Variants in DAB1 observed in about 807,000 individuals in gnomAD.
DAB1 encodes the protein disabled homolog 1.
In DAB1, 15 loss-of-function variants were observed where a neutral mutation model predicts 64.6. That is an observed-to-expected ratio of 0.23 (90% CI 0.16 to 0.36). The LOEUF (loss-of-function observed/expected upper bound fraction) is 0.36, where lower values mean the gene tolerates loss of function less well. DAB1 is among the 10% of genes least tolerant of loss of function. The pLI is 1.00. For missense variants in DAB1, 596 were observed against 706.7 expected, an observed-to-expected ratio of 0.84 and a Z score of 1.78; for synonymous variants, 235 against 251.9, an observed-to-expected ratio of 0.93 and a Z score of 0.64.
At chr1:58,411,598 A>C (rs1644669514) in intron 3 of DAB1, among the ~76,000 whole-genome samples, 1 of 152,206 alleles carries the variant, frequency 6.6e-6, no homozygotes, top group South Asian at 2.1e-4. Flanking sequence ...GAGAAAGAGA[A>C]CTACTTTAGT....
chr1:57,140,541 T>C (rs981725136), intron 3 of DAB1, among the ~76,000 whole-genome samples: 10 of 152,144 alleles, frequency 6.6e-5, no homozygotes, highest in Non-Finnish European at 1.2e-4. Flanking sequence ...GCTACAAATA[T>C]GTCCAAAAGT....
At chr1:58,035,935 T>C (rs1647038450) in intron 5 of DAB1, among the ~76,000 whole-genome samples, 2 of 152,302 alleles carry the variant, frequency 1.3e-5, no homozygotes, top group South Asian at 2.1e-4. Flanking sequence ...TGACTTCAAA[T>C]TGTGTCTCAT....
At chr1:57,542,436 GA>G (rs1644813172) in intron 7 of DAB1, among the ~76,000 whole-genome samples, 1 of 150,284 alleles carries the variant, frequency 6.7e-6, no homozygotes, top group Non-Finnish European at 1.5e-5. Context: ...TTAAGGGAAG[GA>G]AGCGAGCATG....
intron 3 of DAB1, among the ~76,000 whole-genome samples, chr1:58,490,825 T>TC (rs71043290): frequency 8.4e-6 from 1 of 118,832 alleles, no homozygotes; most frequent in African/African-American, 3.7e-5. Flanking sequence ...TTTTTTTTTT[T>TC]GAGACGGACT....
intron 7 of DAB1, among the ~76,000 whole-genome samples, chr1:57,551,840 C>A (rs1644917598): frequency 6.6e-6 from 1 of 152,126 alleles, no homozygotes; most frequent in Non-Finnish European, 1.5e-5. Flanking sequence ...CAAGAAACTT[C>A]TTTCCCCAAG....
At chr1:58,352,345 C>T (rs1644066305) in intron 3 of DAB1, among the ~76,000 whole-genome samples, 1 of 152,078 alleles carries the variant, frequency 6.6e-6, no homozygotes, top group South Asian at 2.1e-4. Flanking sequence ...GCAACTCAAC[C>T]TTCCTATTAG....
intron 7 of DAB1, among the ~76,000 whole-genome samples, chr1:57,514,452 A>T (rs553483938): frequency 1.3e-4 from 20 of 152,156 alleles, no homozygotes; most frequent in African/African-American, 4.8e-4. Context: ...TGCTTTTGAT[A>T]TTGTTTTTGT....
intron 6 of DAB1, among the ~76,000 whole-genome samples, chr1:57,805,032 T>G (rs1426654228): frequency 1.3e-5 from 2 of 152,160 alleles, no homozygotes; most frequent in African/African-American, 4.8e-5. Flanking sequence ...CTGTCAATAA[T>G]CTTTGTCAGG....
At chr1:57,562,783 C>T (rs542280539) in intron 7 of DAB1, among the ~76,000 whole-genome samples, 25 of 152,222 alleles carry the variant, frequency 1.6e-4, no homozygotes, top group African/African-American at 5.8e-4. Flanking sequence ...CACCAGGAGA[C>T]ACGACAACGA....
intron 2 of DAB1, among the ~76,000 whole-genome samples, chr1:57,279,086 C>A (rs1350425268): frequency 2.6e-5 from 4 of 152,134 alleles, no homozygotes; most frequent in Admixed American, 6.6e-5. Flanking sequence ...GGGGAATTTG[C>A]GAAATTTCCT....
At chr1:57,481,116 T>C (rs897170086) in intron 7 of DAB1, among the ~76,000 whole-genome samples, 2 of 152,132 alleles carry the variant, frequency 1.3e-5, no homozygotes, top group African/African-American at 4.8e-5. Context: ...TTGCTGCATA[T>C]TGGAATCATT....
intron 4 of DAB1, among the ~76,000 whole-genome samples, chr1:58,310,417 G>A (rs1012712211): frequency 1.3e-5 from 2 of 152,174 alleles, no homozygotes; most frequent in Non-Finnish European, 2.9e-5. Context: ...AACATTATAG[G>A]AGAGTATAAT....
intron 7 of DAB1, among the ~76,000 whole-genome samples, chr1:57,491,285 A>G (rs1224851860): frequency 5.3e-5 from 8 of 152,062 alleles, no homozygotes; most frequent in Admixed American, 2.0e-4. Context: ...AAAATTAGCC[A>G]GGCGTGGTGG....
chr1:57,023,723 G>A (rs1646695912), intron 10 of DAB1, 84 bp from the exon 11 acceptor site: 1 of 860,886 alleles, frequency 1.2e-6, no homozygotes, highest in Non-Finnish European at 1.9e-6. Flanking sequence ...CAGGAATTAA[G>A]GCGCAGGGGA....
chr1:58,128,639 C>T (rs1653306448), intron 5 of DAB1, among the ~76,000 whole-genome samples: 2 of 123,464 alleles, frequency 1.6e-5, no homozygotes, highest in African/African-American at 6.3e-5. Flanking sequence ...CCATCAATAC[C>T]TAATTTATTG....
intron 5 of DAB1, among the ~76,000 whole-genome samples, chr1:58,021,226 G>C (rs1646810721): frequency 6.6e-6 from 1 of 152,208 alleles, no homozygotes; most frequent in South Asian, 2.1e-4. Flanking sequence ...TCCAGGCCTT[G>C]TCTTCCTAGA....
intron 7 of DAB1, among the ~76,000 whole-genome samples, chr1:57,465,960 T>A (rs1336633456): frequency 6.6e-6 from 1 of 152,222 alleles, no homozygotes; most frequent in Non-Finnish European, 1.5e-5. Context: ...GACATCATGA[T>A]GCACTAAGTT....
chr1:57,309,854 G>A (rs2100728757), intron 1 of DAB1, among the ~76,000 whole-genome samples: 1 of 152,332 alleles, frequency 6.6e-6, no homozygotes, highest in Non-Finnish European at 1.5e-5. Flanking sequence ...GTACACAGCT[G>A]AGATCACAAT....
At chr1:57,755,466 C>G (rs1648761631) in intron 6 of DAB1, among the ~76,000 whole-genome samples, 1 of 152,096 alleles carries the variant, frequency 6.6e-6, no homozygotes, top group Non-Finnish European at 1.5e-5. Flanking sequence ...TATGTGAGAA[C>G]AAAATTGGTC....
Sources: gnomAD v4.1 joint callset for allele counts (sites outside exome capture counted in the v4.1 genomes callset) on GRCh38, gnomAD v4.1.1 for gene constraint, MANE v1.5 for transcripts, NCBI Gene and HGNC (gene_info 2026-07-23, HGNC 2026-07-21) for gene names.